Variants in NOTCH2 observed in about 807,000 individuals in gnomAD.
NOTCH2 encodes neurogenic locus notch homolog protein 2.
Under a neutral mutation model 235.8 loss-of-function variants are expected in NOTCH2, and 29 were observed. That is an observed-to-expected ratio of 0.12 (90% confidence interval 0.09 to 0.17). NOTCH2 has a LOEUF of 0.17. NOTCH2 is among the 10% of genes least tolerant of loss of function. NOTCH2 has a pLI of 1.00. For synonymous variants in NOTCH2, 1,086 were observed against 1,141.5 expected (o/e 0.95, Z 0.98); for missense variants, 2,285 against 3,150.2 (o/e 0.73, Z 6.57).
chr1:119,987,399 T>TA (rs756459267), intron 4 of NOTCH2, among the ~76,000 whole-genome samples: 5 of 152,162 alleles, frequency 3.3e-5, no homozygotes, highest in Admixed American at 2.6e-4. Flanking sequence ...TCAAGGGTTC[T>TA]AAAAAAACAG....
chr1:119,953,418 A>C, intron 14 of NOTCH2, 125 bp downstream of exon 14: 1 of 1,038,562 alleles, frequency 9.6e-7, no homozygotes, highest in South Asian at 1.3e-5. Context: ...TACAAGTCTA[A>C]TTGCTCAATA....
At chr1:119,970,158 C>G (rs1169666498) in intron 5 of NOTCH2, among the ~76,000 whole-genome samples, 1 of 152,086 alleles carries the variant, frequency 6.6e-6, no homozygotes, top group African/African-American at 2.4e-5. Context: ...TGTTCTATAT[C>G]TTGACTGTAT....
rs1305352699 is a variant in NOTCH2 at position 119,925,474 on chromosome 1, A to C, written c.4342T>G (p.Cys1448Gly). 1 of 1,614,186 alleles carries C rather than the reference A, an allele frequency of 6.2e-7. No individual in the cohort carries two copies. The highest frequency in any genetic ancestry group is 8.5e-7 in the Non-Finnish European group (1 of 1,180,034). The change falls in exon 25 of 34, where the codon TGC becomes GGC. Residue 1448 changes from cysteine (C) to glycine (G), a missense_variant. Transcript: ENST00000256646. ...VCDEACNSHA[C>G]QWDGGDCSLT... is the part of the protein sequence containing the mutation. ...GAACAGTCACCCCCATCCCACTGGC[A>C]GGCATGGCTGTTGCAGGCCTCATCA...
At position 119,965,440 on chromosome 1, in the gene NOTCH2, A is replaced by T. The variant is rs1401188070; in HGVS notation, c.1681+13T>A. 6.3e-7 allele frequency: 1 copy of T among 1,597,268 alleles called. No individual in the cohort carries two copies. The highest frequency in any genetic ancestry group is 1.3e-5 in the African/African-American group (1 of 74,718). On this transcript the variant is annotated intron_variant, in intron 10 of 33. Transcript: ENST00000256646. ...GGACCTACCAAGGAGATGAAAAGTG[A>T]GAAGAATCTTACCTGTGGCACACTG...
chr1:120,063,306 C>T (rs1570798588), intron 1 of NOTCH2, among the ~76,000 whole-genome samples: 2 of 152,104 alleles, frequency 1.3e-5, no homozygotes, highest in Non-Finnish European at 2.9e-5. Context: ...ACTAACACAT[C>T]TGAGGGAAAC....
intron 22 of NOTCH2, 47 bp downstream of exon 22, chr1:119,935,425 C>T (rs1357612649): frequency 6.2e-7 from 1 of 1,613,868 alleles, no homozygotes; most frequent in Non-Finnish European, 8.5e-7. Context: ...GGATTTATAA[C>T]TTAAGACAAT....
At chr1:119,936,778 T>C (rs1649864819) in intron 21 of NOTCH2, among the ~76,000 whole-genome samples, 1 of 152,236 alleles carries the variant, frequency 6.6e-6, no homozygotes, top group Non-Finnish European at 1.5e-5. Context: ...TAGTGACATG[T>C]ACCTTGAAGA....
rs587732089 is a variant in NOTCH2 at position 120,067,804 on chromosome 1, G to C, written c.73+1530C>G. Reference sequence around the variant, plus strand: ...CTGCTTCATCACTACAAAGCCTCCTGGTCCACTTCTGAAATTCTTAGTGAC... The same window carrying C: ...CTGCTTCATCACTACAAAGCCTCCTCGTCCACTTCTGAAATTCTTAGTGAC... On this transcript the variant is annotated intron_variant, in intron 1 of 33. Coordinates refer to ENST00000256646, the MANE Select transcript of NOTCH2 (RefSeq NM_024408.4). 3.0e-4 allele frequency among the ~76,000 whole-genome samples: 46 copies of C among 151,822 alleles called. 2 individuals are homozygous for C. The East Asian group carries it at 8.9e-3, about 29-fold the overall frequency.
intron 10 of NOTCH2, among the ~76,000 whole-genome samples, chr1:119,964,644 G>C (rs1553199437): frequency 6.6e-6 from 1 of 152,130 alleles, no homozygotes; most frequent in African/African-American, 2.4e-5. Flanking sequence ...GCTTTTCTGT[G>C]ATCAGAAATA....
In NOTCH2 at chr1:119,948,417, C is replaced by A; in HGVS notation, c.2749G>T (p.Ala917Ser). ...DCEEDIDDCL[A>S]NPCQNGGSCM... ...AAGAGCTGACTGGCATACTCACTGG[C>A]AAGGCAGTCATCAATGTCCTCCTCA... The change falls in exon 17 of 34, where the codon GCC (alanine) becomes TCC (serine). Residue 917 changes from alanine (A) to serine (S), a missense_variant. This residue lies in a region of NOTCH2 where 1,173 missense variants were observed against 1,515.3 expected (regional missense o/e 0.77). Coordinates refer to ENST00000256646, the MANE Select transcript of NOTCH2 (RefSeq NM_024408.4). 1 of 1,614,134 alleles carries A rather than the reference C, an allele frequency of 6.2e-7. No individual in the cohort carries two copies. The highest frequency in any genetic ancestry group is 1.1e-5 in the South Asian group (1 of 91,086).
intron 15 of NOTCH2, chr1:119,950,482 A>AAAAAATT (rs1650428395): frequency 1.5e-6 from 1 of 647,888 alleles, no homozygotes; most frequent in South Asian, 1.5e-5. Context: ...TACAATTAAA[A>AAAAAATT]AAAAATTTCT....
intron 25 of NOTCH2, 62 bp downstream of exon 25, chr1:119,925,243 A>G: frequency 6.2e-7 from 1 of 1,606,728 alleles, no homozygotes; most frequent in Non-Finnish European, 8.5e-7. Flanking sequence ...AGGAGCAAGA[A>G]CGAGAAACTG....
intron 11 of NOTCH2, among the ~76,000 whole-genome samples, chr1:119,961,351 A>C (rs1650929870): frequency 2.0e-5 from 3 of 152,184 alleles, no homozygotes; most frequent in Non-Finnish European, 2.9e-5. Context: ...TTACCCTCAA[A>C]CTAAGAAGGC....
rs1183203919 is a variant in NOTCH2, at chr1:120,069,606, C to T, written c.-200G>A. On this transcript the variant is annotated 5_prime_UTR_variant, in exon 1 of 34. Transcript: ENST00000256646. ...GAGTCCGCCGCTCCTCGGCCGCCGC[C>T]TCAGCCGCCGCCCGAAGTTTGGCTG... 1.4e-6 allele frequency: 2 copies of T among 1,411,840 alleles called. No homozygotes were observed. The highest frequency in any genetic ancestry group is 3.1e-5 in the Admixed American group (1 of 31,906). 87.5% of individuals were successfully genotyped at this position (1,411,840 alleles called of 1,614,324 possible).
At chr1:119,950,436 A>T in intron 15 of NOTCH2, 1 of 562,778 alleles carries the variant, frequency 1.8e-6, no homozygotes, top group Non-Finnish European at 3.4e-6. Flanking sequence ...TTCAAATGAT[A>T]GACAACCATC....
chr1:119,919,295 C>A lies in NOTCH2; in HGVS notation c.5781+17G>T. 1 of 1,604,418 alleles carries A rather than the reference C, an allele frequency of 6.2e-7. No homozygotes were observed. The highest frequency in any genetic ancestry group is 8.5e-7 in the Non-Finnish European group (1 of 1,176,468). ...CATAGGAATTATTATTCAAGTGACT[C>A]TTCTCATGTTCTTTACCTGGAAGAC... On this transcript the variant is annotated intron_variant, in intron 31 of 33. Coordinates refer to ENST00000256646, the MANE Select transcript of NOTCH2 (RefSeq NM_024408.4).
chr1:119,940,835 T>G, intron 18 of NOTCH2, 79 bp from the exon 19 acceptor site: 1 of 1,312,968 alleles, frequency 7.6e-7, no homozygotes. Flanking sequence ...TTCTGGAATC[T>G]AAGATCATAC....
intron 2 of NOTCH2, among the ~76,000 whole-genome samples, chr1:120,023,957 C>A (rs1653741469): frequency 6.6e-6 from 1 of 151,964 alleles, no homozygotes; most frequent in Non-Finnish European, 1.5e-5. Flanking sequence ...AAATAGCATG[C>A]AATAAATAAC....
chr1:120,067,562 A>G (rs1553217315), intron 1 of NOTCH2, among the ~76,000 whole-genome samples: 2 of 152,204 alleles, frequency 1.3e-5, no homozygotes. Flanking sequence ...TTATTCCTTT[A>G]GTCCTGCTTC....
Sources: allele counts gnomAD v4.1 joint callset (sites outside exome capture counted in the v4.1 genomes callset), GRCh38; gene constraint gnomAD v4.1.1; regional missense constraint gnomAD v4.1.1; transcripts MANE v1.5; gene names NCBI Gene and HGNC (gene_info 2026-07-23, HGNC 2026-07-21).